Variants in KALRN observed in about 807,000 individuals in gnomAD.
KALRN encodes kalirin RhoGEF kinase, also known as kalirin.
In KALRN, 70 loss-of-function variants were observed where a neutral mutation model predicts 353.7. That is an observed-to-expected ratio of 0.20 (90% CI 0.16 to 0.24). The LOEUF (loss-of-function observed/expected upper bound fraction) is 0.24, where lower values mean the gene tolerates loss of function less well. Among genes scored for constraint, KALRN ranks in the 10% least tolerant of loss-of-function variants. KALRN has a pLI of 1.00. For synonymous variants in KALRN, 1,391 were observed against 1,434.8 expected (o/e 0.97, Z 0.69); for missense variants, 2,791 against 3,756.7 (o/e 0.74, Z 6.72).
rs1033137258 is a variant in KALRN at position 124,492,747 on chromosome 3, A to G, written c.4697A>G (p.Asn1566Ser). ...CTCCCTGTGGCACTCTAGGCCTCCA[A>G]CATTGAAACCAAGCAGGAGTGGATC... is the stretch of plus-strand genomic sequence containing the variant. Reference protein sequence around the residue: ...SDNKTVLKASNIETKQEWIKN... With the variant: ...SDNKTVLKASSIETKQEWIKN... Residue 1566 changes from asparagine to serine, a missense_variant, in exon 32 of 60, where the codon AAC becomes AGC. By Grantham distance (46) the Asn-to-Ser change is conservative. Coordinates refer to ENST00000682506, the MANE Select transcript of KALRN (RefSeq NM_001388419.1). 1.2e-6 allele frequency: 2 copies of G among 1,613,990 alleles called. No homozygotes were observed. The highest frequency in any genetic ancestry group is 1.7e-6 in the Non-Finnish European group (2 of 1,179,928).
chr3:124,539,853 G>A (rs332409), intron 33 of KALRN, among the ~76,000 whole-genome samples: 84,442 of 150,558 alleles, frequency 0.56, 25,483 homozygotes, highest in African/African-American at 0.8. Context: ...TTGACCTCCC[G>A]GGCTCAACCT....
At chr3:124,510,521 GT>G (rs35909786) in intron 33 of KALRN, among the ~76,000 whole-genome samples, 20,740 of 148,946 alleles carry the variant, frequency 0.14, 1,550 homozygotes, top group East Asian at 0.29. Flanking sequence ...AATGCTGAGG[GT>G]TTTTTTTTTG....
At chr3:124,437,501 C>A (rs1405549912) in intron 17 of KALRN, among the ~76,000 whole-genome samples, 3 of 152,062 alleles carry the variant, frequency 2.0e-5, no homozygotes, top group Non-Finnish European at 4.4e-5. Flanking sequence ...ACCAGCCTGA[C>A]AAACATGGTG....
At chr3:124,145,498 A>C (rs1361364809) in intron 1 of KALRN, among the ~76,000 whole-genome samples, 2 of 152,188 alleles carry the variant, frequency 1.3e-5, no homozygotes, top group African/African-American at 4.8e-5. Context: ...TCTCAGTGAC[A>C]TCTGAGGCTT....
intron 1 of KALRN, among the ~76,000 whole-genome samples, chr3:124,168,140 TC>T (rs2071166781): frequency 6.6e-6 from 1 of 152,190 alleles, no homozygotes. Flanking sequence ...TGCAGGGAGT[TC>T]CTGTCTGCCT....
intron 1 of KALRN, among the ~76,000 whole-genome samples, chr3:124,213,599 T>C (rs1026475432): frequency 7.9e-5 from 12 of 152,218 alleles, no homozygotes; most frequent in Admixed American, 3.9e-4. Flanking sequence ...AAGAGATTCA[T>C]TCAACAGATA....
intron 34 of KALRN, among the ~76,000 whole-genome samples, chr3:124,565,861 G>A (rs1445294743): frequency 1.3e-5 from 2 of 152,186 alleles, no homozygotes; most frequent in African/African-American, 4.8e-5. Context: ...AGCATTCAGG[G>A]TAAGAATTGC....
chr3:124,611,792 C>T (rs879395675), intron 34 of KALRN, among the ~76,000 whole-genome samples: 3 of 152,212 alleles, frequency 2.0e-5, no homozygotes, highest in Non-Finnish European at 4.4e-5. Flanking sequence ...CCACCAGCTG[C>T]GCTCCAGCCA....
At chr3:124,388,247 C>T (rs1355087257) in intron 11 of KALRN, among the ~76,000 whole-genome samples, 1 of 152,168 alleles carries the variant, frequency 6.6e-6, no homozygotes, top group East Asian at 1.9e-4. Flanking sequence ...AACTTCCTCC[C>T]AAATTTTTCT....
intron 5 of KALRN, among the ~76,000 whole-genome samples, chr3:124,290,184 C>A (rs1397835316): frequency 6.6e-6 from 1 of 152,090 alleles, no homozygotes; most frequent in African/African-American, 2.4e-5. Context: ...AAAATGTTTA[C>A]AAGTCTAGAG....
intron 3 of KALRN, among the ~76,000 whole-genome samples, chr3:124,238,137 T>C (rs1412559437): frequency 6.6e-6 from 1 of 152,080 alleles, no homozygotes; most frequent in Non-Finnish European, 1.5e-5. Context: ...ATAGATCAGT[T>C]AGAGTGCTGT....
intron 1 of KALRN, among the ~76,000 whole-genome samples, chr3:124,184,981 A>G (rs536571161): frequency 1.2e-4 from 18 of 152,110 alleles, no homozygotes; most frequent in Non-Finnish European, 2.1e-4. Context: ...GCTAGCAACC[A>G]TCTTAATTTC....
chr3:124,427,561 G>A (rs766376419), intron 15 of KALRN, among the ~76,000 whole-genome samples: 2 of 152,184 alleles, frequency 1.3e-5, no homozygotes, highest in Non-Finnish European at 2.9e-5. Flanking sequence ...CACCATTTGT[G>A]GATATCCACA....
At chr3:124,614,787 G>A (rs1037831304) in intron 34 of KALRN, among the ~76,000 whole-genome samples, 1 of 152,002 alleles carries the variant, frequency 6.6e-6, no homozygotes, top group Non-Finnish European at 1.5e-5. Context: ...TCCCAGGCTG[G>A]TCTTAAACTC....
chr3:124,228,067 G>A lies in KALRN; in HGVS notation c.148+3G>A, dbSNP rs759121042. ...GGAAAAGGTGGCCTTCGTGTCTGGT[G>A]AGTATTTGTGGGACTTTCTTTTGTA... On this transcript the variant is annotated splice_donor_region_variant and intron_variant, in intron 2 of 59. Coordinates refer to ENST00000682506, the MANE Select transcript of KALRN (RefSeq NM_001388419.1). 14 of 1,611,184 alleles carry A rather than the reference G, an allele frequency of 8.7e-6. No individual in the cohort carries two copies. In the East Asian group the frequency reaches 3.1e-4, roughly 36 times the overall value.
chr3:124,157,865 C>T (rs1471180793), intron 1 of KALRN, among the ~76,000 whole-genome samples: 2 of 152,174 alleles, frequency 1.3e-5, no homozygotes, highest in South Asian at 2.1e-4. Flanking sequence ...CCCCTTTCCC[C>T]TGCGAATGCC....
chr3:124,650,215 T>C (rs1052201397), intron 37 of KALRN, among the ~76,000 whole-genome samples: 3 of 152,190 alleles, frequency 2.0e-5, no homozygotes, highest in Non-Finnish European at 2.9e-5. Context: ...GTTCCATCCA[T>C]GGGGACAGGG....
At chr3:124,610,365 A>T (rs1362117702) in intron 34 of KALRN, among the ~76,000 whole-genome samples, 1 of 152,188 alleles carries the variant, frequency 6.6e-6, no homozygotes, top group Non-Finnish European at 1.5e-5. Context: ...ATGCAGGCAA[A>T]GAGAGAAAAG....
intron 1 of KALRN, among the ~76,000 whole-genome samples, chr3:124,206,427 G>A (rs922275122): frequency 1.3e-5 from 2 of 152,154 alleles, no homozygotes; most frequent in Non-Finnish European, 2.9e-5. Context: ...GTTCCTAACT[G>A]CAAGGGCGGT....
Sources: allele counts gnomAD v4.1 joint callset (sites outside exome capture counted in the v4.1 genomes callset), GRCh38; gene constraint gnomAD v4.1.1; transcripts MANE v1.5; gene names NCBI Gene and HGNC (gene_info 2026-07-23, HGNC 2026-07-21).